The following AGBL1 variants were observed in gnomAD, a reference collection of about 807,000 sequenced individuals.
The protein encoded by AGBL1 is AGBL carboxypeptidase 1.
A neutral mutation model predicts 118.9 loss-of-function variants in AGBL1; 130 were observed. The ratio of observed to expected loss-of-function variants is 1.09; its 90% CI spans 0.95 to 1.26. The LOEUF (loss-of-function observed/expected upper bound fraction) is 1.26, where lower values mean the gene tolerates loss of function less well. Among genes scored for constraint, AGBL1 ranks in the 50% most tolerant of loss-of-function variants. The probability of loss-of-function intolerance (pLI) is 0.00; values close to 1 mark genes in which losing one functional copy is unlikely to be tolerated. For synonymous variants in AGBL1, 555 were observed against 478.9 expected, an observed-to-expected ratio of 1.16 and a Z score of -2.08; for missense variants, 1,584 against 1,298.1, an observed-to-expected ratio of 1.22 and a Z score of -3.38.
At chr15:86,418,589 C>T (rs982710050) in intron 18 of AGBL1, among the ~76,000 whole-genome samples, 3 of 152,122 alleles carry the variant, frequency 2.0e-5, no homozygotes, top group African/African-American at 7.2e-5. Context: ...GCCATTTTCT[C>T]TTTTTTCAAA....
intron 22 of AGBL1, among the ~76,000 whole-genome samples, chr15:86,840,718 A>T (rs1596539823): frequency 6.6e-6 from 1 of 151,932 alleles, no homozygotes; most frequent in South Asian, 2.1e-4. Flanking sequence ...GGGATTACAG[A>T]CGTGAGCCAC....
chr15:86,584,769 G>A (rs2084221790), intron 21 of AGBL1, among the ~76,000 whole-genome samples: 1 of 152,060 alleles, frequency 6.6e-6, no homozygotes, highest in South Asian at 2.1e-4. Context: ...TGATTTCTTT[G>A]GGCAGCAGGG....
Position 86,319,743 on chromosome 15 carries a change from G to GTTTTTTTTTTTTTTTT in AGBL1, c.2374+24356_2374+24371dup, listed in dbSNP as rs139831044. 8.5e-5 allele frequency among the ~76,000 whole-genome samples: 4 copies of GTTTTTTTTTTTTTTTT among 47,254 alleles called. 2 individuals are homozygous for GTTTTTTTTTTTTTTTT. Among genetic ancestry groups the GTTTTTTTTTTTTTTTT allele is most frequent in the Non-Finnish European group, 7.2e-5 (2 of 27,908 alleles). The allele number at this position is 47,254 out of a possible 152,430, so 31.0% of individuals were successfully genotyped here. ...TGTACTTTGTTTTGCCTCTTTGGTA[G>GTTTTTTTTTTTTTTTT]TTTTTTTTTTTTTTTTTTTTTTTTT... On this transcript the variant is annotated intron_variant, in intron 17 of 22. Transcript: ENST00000614907.
intron 21 of AGBL1, among the ~76,000 whole-genome samples, chr15:86,557,522 G>T (rs1467955102): frequency 1.3e-5 from 2 of 152,182 alleles, no homozygotes; most frequent in East Asian, 3.9e-4. Flanking sequence ...CTCAGCTGAG[G>T]TTTGAAGAGT....
At chr15:86,180,777 T>C (rs1199592304) in intron 5 of AGBL1, among the ~76,000 whole-genome samples, 4 of 152,050 alleles carry the variant, frequency 2.6e-5, no homozygotes, top group African/African-American at 7.2e-5. Context: ...ATGTACCTTG[T>C]AAAAAAGTTT....
chr15:86,626,596 T>A (rs2142424414), intron 21 of AGBL1, among the ~76,000 whole-genome samples: 1 of 152,190 alleles, frequency 6.6e-6, no homozygotes, highest in South Asian at 2.1e-4. Flanking sequence ...ACAACAAACC[T>A]TCATGACACA....
chr15:86,887,369 T>C (rs926076946), intron 22 of AGBL1, among the ~76,000 whole-genome samples: 5 of 152,176 alleles, frequency 3.3e-5, no homozygotes, highest in African/African-American at 1.2e-4. Flanking sequence ...TCTCTTTCAT[T>C]AACACTCACC....
chr15:86,192,230 T>A (rs1274535095), intron 5 of AGBL1, among the ~76,000 whole-genome samples: 1 of 150,414 alleles, frequency 6.6e-6, no homozygotes, highest in Non-Finnish European at 1.5e-5. Context: ...TATAATAAAA[T>A]GCTTTTATAA....
chr15:86,825,945 G>C (rs993541568), intron 22 of AGBL1, among the ~76,000 whole-genome samples: 5 of 150,858 alleles, frequency 3.3e-5, no homozygotes, highest in Admixed American at 3.3e-4. Context: ...AGACAGATGA[G>C]ATAAATTATA....
At chr15:86,840,740 C>T (rs1440090801) in intron 22 of AGBL1, among the ~76,000 whole-genome samples, 2 of 152,020 alleles carry the variant, frequency 1.3e-5, no homozygotes, top group South Asian at 2.1e-4. Context: ...ACACCCGTCG[C>T]AAATGCATGT....
intron 18 of AGBL1, among the ~76,000 whole-genome samples, chr15:86,493,419 T>C (rs1396401242): frequency 2.6e-5 from 4 of 151,858 alleles, no homozygotes; most frequent in Non-Finnish European, 5.9e-5. Flanking sequence ...GGAGAGACAT[T>C]TAGAAGACAC....
chr15:86,156,650 C>T (rs2077195328), intron 4 of AGBL1, among the ~76,000 whole-genome samples: 3 of 152,118 alleles, frequency 2.0e-5, no homozygotes, highest in Admixed American at 6.6e-5. Context: ...TTCTCTTCCC[C>T]GCCCTATGCT....
chr15:86,273,422 G>T (rs1318799237), intron 15 of AGBL1, among the ~76,000 whole-genome samples: 2 of 152,204 alleles, frequency 1.3e-5, no homozygotes, highest in African/African-American at 4.8e-5. Context: ...TTGCTACATT[G>T]TAATGTAGTT....
chr15:86,481,580 T>C (rs564119143), intron 18 of AGBL1, among the ~76,000 whole-genome samples: 1 of 152,172 alleles, frequency 6.6e-6, no homozygotes, highest in Non-Finnish European at 1.5e-5. Context: ...GACTATCCTG[T>C]TTTTGGAATT....
chr15:87,016,594 G>T (rs1001637050), intron 24 of AGBL1, among the ~76,000 whole-genome samples: 14 of 152,214 alleles, frequency 9.2e-5, no homozygotes, highest in African/African-American at 3.4e-4. Flanking sequence ...CTCATGGAGA[G>T]AAAAGAAAAT....
chr15:86,224,095 A>T (rs1338366311), intron 5 of AGBL1, among the ~76,000 whole-genome samples: 1 of 152,152 alleles, frequency 6.6e-6, no homozygotes, highest in Middle Eastern at 3.2e-3. Context: ...ATCACTGCTT[A>T]GCAGGCCTTA....
chr15:86,881,101 C>T (rs1298861814), intron 22 of AGBL1, among the ~76,000 whole-genome samples: 1 of 152,178 alleles, frequency 6.6e-6, no homozygotes, highest in South Asian at 2.1e-4. Flanking sequence ...CATCTCACCT[C>T]CTTCCTCACC....
chr15:86,564,869 A>T (rs1286110934), intron 21 of AGBL1, among the ~76,000 whole-genome samples: 3 of 151,790 alleles, frequency 2.0e-5, no homozygotes, highest in African/African-American at 7.3e-5. Flanking sequence ...TTCTCCCTTC[A>T]TTTCATTCAT....
intron 21 of AGBL1, among the ~76,000 whole-genome samples, chr15:86,633,835 A>T: frequency 1.5e-5 from 1 of 68,734 alleles, no homozygotes; most frequent in African/African-American, 8.3e-5. Flanking sequence ...TATATAATGT[A>T]TATATATATA....
Sources: gnomAD v4.1 joint callset for allele counts (sites outside exome capture counted in the v4.1 genomes callset) on GRCh38, gnomAD v4.1.1 for gene constraint, MANE v1.5 for transcripts, NCBI Gene and HGNC (gene_info 2026-07-23, HGNC 2026-07-21) for gene names.